The following TUBGCP3 variants were observed in gnomAD, a reference collection of about 807,000 sequenced individuals.
TUBGCP3 encodes gamma-tubulin complex component 3.
TUBGCP3 carries 50 observed loss-of-function variants against 123.1 expected under a neutral mutation model. The observed-to-expected ratio is 0.41, with a 90% confidence interval of 0.32 to 0.51. TUBGCP3 has a LOEUF of 0.51. TUBGCP3 is among the 20% of genes least tolerant of loss of function. The pLI is 0.36. For synonymous variants in TUBGCP3, 405 were observed against 413.9 expected (o/e 0.98, Z 0.26); for missense variants, 882 against 1,127.0 (o/e 0.78, Z 3.11).
chr13:112,569,821 A>C (rs1881262099), intron 1 of TUBGCP3, among the ~76,000 whole-genome samples: 1 of 152,210 alleles, frequency 6.6e-6, no homozygotes, highest in African/African-American at 2.4e-5. Context: ...AAGGAATCAG[A>C]GAGAAGTCAA....
intron 1 of TUBGCP3, among the ~76,000 whole-genome samples, chr13:112,574,876 C>A (rs1164479603): frequency 6.6e-6 from 1 of 152,212 alleles, no homozygotes; most frequent in African/African-American, 2.4e-5. Flanking sequence ...AAAACCCAAA[C>A]CACAAACAGG....
At chr13:112,600,967 C>T in the TUBGCP3 span, among the ~76,000 whole-genome samples, 22 of 152,090 alleles carry the variant, frequency 1.4e-4, no homozygotes, top group Admixed American at 3.9e-4. Context: ...GCAGGTAGAT[C>T]ACTTGAGGCC....
At chr13:112,603,255 A>C in the TUBGCP3 span, 2 of 152,210 alleles carry the variant, frequency 1.3e-5, no homozygotes, top group Non-Finnish European at 2.9e-5. Context: ...GAAGAACCGC[A>C]AAGTTATCTT....
At chr13:112,503,493 C>G (rs368687464) in intron 19 of TUBGCP3, among the ~76,000 whole-genome samples, 1 of 152,056 alleles carries the variant, frequency 6.6e-6, no homozygotes, top group East Asian at 1.9e-4. Flanking sequence ...TCTCTGCCTC[C>G]CAAGTAGCTG....
At chr13:112,506,994 G>A (rs567831886) in intron 17 of TUBGCP3, among the ~76,000 whole-genome samples, 1 of 152,166 alleles carries the variant, frequency 6.6e-6, no homozygotes, top group South Asian at 2.1e-4. Flanking sequence ...GGAGAATGGT[G>A]AGTATTTAAA....
chr13:112,548,758 G>C (rs1238938957), intron 8 of TUBGCP3, among the ~76,000 whole-genome samples: 2 of 152,236 alleles, frequency 1.3e-5, no homozygotes, highest in East Asian at 1.9e-4. Flanking sequence ...CTGGCCATCA[G>C]AGACATGCAA....
intron 13 of TUBGCP3, 113 bp downstream of exon 13, chr13:112,526,829 C>T (rs1340039010): frequency 3.9e-6 from 3 of 773,294 alleles, no homozygotes; most frequent in East Asian, 2.6e-5. Context: ...CATCATCACA[C>T]CATCACAATC....
intron 17 of TUBGCP3, among the ~76,000 whole-genome samples, chr13:112,512,059 A>G (rs960610326): frequency 1.3e-5 from 2 of 152,256 alleles, no homozygotes; most frequent in Non-Finnish European, 2.9e-5. Flanking sequence ...TTGAGTGTCT[A>G]GTGTACAAGC....
At chr13:112,509,488 C>T (rs1428109081) in intron 17 of TUBGCP3, among the ~76,000 whole-genome samples, 1 of 152,230 alleles carries the variant, frequency 6.6e-6, no homozygotes, top group Non-Finnish European at 1.5e-5. Context: ...CAAAAGGTTT[C>T]TATAAGCAAG....
chr13:112,520,941 G>T (rs937126712), intron 14 of TUBGCP3, among the ~76,000 whole-genome samples: 1 of 152,132 alleles, frequency 6.6e-6, no homozygotes, highest in East Asian at 1.9e-4. Context: ...TAAAAACTAG[G>T]AACTTAAAAT....
intron 17 of TUBGCP3, 122 bp from the exon 18 acceptor site, chr13:112,504,836 C>T: frequency 1.3e-6 from 1 of 785,274 alleles, no homozygotes. Flanking sequence ...AATTCTTGAC[C>T]CCTTAACAGG....
chr13:112,561,524 G>A (rs1880514692), intron 3 of TUBGCP3, among the ~76,000 whole-genome samples: 2 of 152,114 alleles, frequency 1.3e-5, no homozygotes, highest in South Asian at 4.1e-4. Flanking sequence ...ATATAGCTGG[G>A]GAGTCAAGAT....
In TUBGCP3 at chr13:112,520,958, T is replaced by C. The variant is rs76893819; in HGVS notation, c.1746-937A>G. On this transcript the variant is annotated intron_variant, in intron 14 of 21. Coordinates refer to ENST00000261965, the MANE Select transcript of TUBGCP3 (RefSeq NM_006322.6). ...AAAACTAGGAACTTAAAATACGACATTGAGGAGAAATGAATTTTTCATTTT... is the reference window on the plus strand; with the variant it reads ...AAAACTAGGAACTTAAAATACGACACTGAGGAGAAATGAATTTTTCATTTT... Among the ~76,000 whole-genome samples the C allele has an allele frequency of 4.6e-3, 700 of 152,254 alleles. 3 individuals carry two copies. The highest frequency in any genetic ancestry group is 7.3e-3 in the Non-Finnish European group (499 of 68,016).
At chr13:112,546,630 A>T (rs1470189697) in intron 10 of TUBGCP3, 1 of 152,334 alleles carries the variant, frequency 6.6e-6, no homozygotes, top group Non-Finnish European at 1.5e-5. Context: ...AGCTCTTATA[A>T]CAGTCCCTAC....
chr13:112,556,416 C>T (rs1350113022), intron 5 of TUBGCP3, among the ~76,000 whole-genome samples, 192 bp from the exon 6 acceptor site: 1 of 152,146 alleles, frequency 6.6e-6, no homozygotes, highest in African/African-American at 2.4e-5. Context: ...CTTGGTCAAG[C>T]CTCCTTGCGA....
chr13:112,574,540 A>T (rs528176066), intron 1 of TUBGCP3, among the ~76,000 whole-genome samples: 49 of 152,390 alleles, frequency 3.2e-4, no homozygotes, highest in Non-Finnish European at 5.0e-4. Context: ...ATCTAAGAAG[A>T]GCACTCTTGG....
intron 3 of TUBGCP3, among the ~76,000 whole-genome samples, chr13:112,562,494 G>A (rs1221278122): frequency 6.6e-6 from 1 of 152,202 alleles, no homozygotes; most frequent in Non-Finnish European, 1.5e-5. Context: ...GGGGAGATGA[G>A]TTTAGTGTCA....
Position 112,554,145 on chromosome 13 carries a change from C to G in TUBGCP3, c.878G>C (p.Arg293Thr). 6.2e-7 allele frequency: 1 copy of G among 1,614,146 alleles called. No homozygotes were observed. The highest frequency in any genetic ancestry group is 8.5e-7 in the Non-Finnish European group (1 of 1,180,022). The change falls in exon 8 of 22, where the codon AGG (arginine) becomes ACG (threonine). Residue 293 changes from arginine to threonine, a missense_variant. Physicochemically the swap from Arg to Thr is moderately conservative, Grantham distance 71. Around this residue, in one of 3 missense-constraint regions of TUBGCP3, gnomAD observed 713 missense variants for 874.0 expected, o/e 0.82. Transcript: ENST00000261965. ...ATGCAACCATCCCAACTCAGAAAGCCTGACTGCTGTGTCTCTCAAAGACCT... is the reference window on the plus strand; with the variant it reads ...ATGCAACCATCCCAACTCAGAAAGCGTGACTGCTGTGTCTCTCAAAGACCT... ...LSRSLRDTAVRLSELGWLHNK... is the reference protein window; with the variant it reads ...LSRSLRDTAVTLSELGWLHNK...
rs1024786369 is a variant in TUBGCP3, at chr13:112,485,270, C to G, written c.*723G>C. The G allele has an allele frequency of 2.6e-5, 4 of 152,594 alleles. No homozygotes were observed. Among genetic ancestry groups the G allele is most frequent in the Non-Finnish European group, 2.9e-5 (2 of 68,046 alleles). The allele number at this position is 152,594 out of a possible 1,614,324, so 9.5% of individuals were successfully genotyped here. A position where few individuals can be genotyped will look rare whatever the true frequency, so the allele number is the denominator to read the frequency against. ...AACTTTCTCGTCACTCCTATTTACACGCTGCTTTAGCTGATGCATTCGCGG... is the reference window on the plus strand; with the variant it reads ...AACTTTCTCGTCACTCCTATTTACAGGCTGCTTTAGCTGATGCATTCGCGG... On this transcript the variant is annotated 3_prime_UTR_variant, in exon 22 of 22. Coordinates refer to ENST00000261965, the MANE Select transcript of TUBGCP3 (RefSeq NM_006322.6).
Sources: gnomAD v4.1 joint callset for allele counts (sites outside exome capture counted in the v4.1 genomes callset) on GRCh38, gnomAD v4.1.1 for gene constraint, gnomAD v4.1.1 regional missense constraint, MANE v1.5 for transcripts, NCBI Gene and HGNC (gene_info 2026-07-23, HGNC 2026-07-21) for gene names.